The following RSRC1 variants were observed in gnomAD, a reference collection of about 807,000 sequenced individuals.
The protein encoded by RSRC1 is arginine and serine rich coiled-coil 1, also known as serine/Arginine-related protein 53.
A neutral mutation model predicts 49.1 loss-of-function variants in RSRC1; 39 were observed. The observed-to-expected ratio is 0.79, with a 90% CI of 0.61 to 1.04. The LOEUF (loss-of-function observed/expected upper bound fraction) is 1.04, where lower values mean the gene tolerates loss of function less well. Ranked by LOEUF, RSRC1 falls within the 50% of genes least tolerant of loss-of-function variation. The pLI, the probability that RSRC1 is intolerant of heterozygous loss-of-function variation, is 0.00. For missense variants in RSRC1, 388 were observed against 402.4 expected (o/e 0.96, Z 0.31); for synonymous variants, 143 against 130.8 (o/e 1.09, Z -0.63).
rs529894654 is a variant in RSRC1 at position 158,342,159 on chromosome 3, C to G, written c.532-12698C>G. On this transcript the variant is annotated intron_variant, in intron 5 of 9. Transcript: ENST00000611884. Reference sequence around the variant, plus strand: ...TGGACTGTGGACTTTTGGGTTAATGCTGAAACGAGTTAAGCCTTTGGGGTA... The same window carrying G: ...TGGACTGTGGACTTTTGGGTTAATGGTGAAACGAGTTAAGCCTTTGGGGTA... 9.5e-4 allele frequency among the ~76,000 whole-genome samples: 145 copies of G among 152,216 alleles called. 1 individual carries two copies. The highest frequency in any genetic ancestry group is 6.8e-3 in the Middle Eastern group (2 of 294).
intron 3 of RSRC1, among the ~76,000 whole-genome samples, chr3:158,199,806 A>G (rs967339589): frequency 6.6e-6 from 1 of 152,064 alleles, no homozygotes; most frequent in Non-Finnish European, 1.5e-5. Flanking sequence ...TGGTTTCCAT[A>G]TATCTGGAGG....
intron 3 of RSRC1, among the ~76,000 whole-genome samples, chr3:158,127,669 G>C (rs1385863500): frequency 6.7e-6 from 1 of 150,168 alleles, no homozygotes; most frequent in Non-Finnish European, 1.5e-5. Flanking sequence ...GTAATTTACA[G>C]ATCTCAGTTT....
chr3:158,388,290 A>G (rs1443598223), intron 6 of RSRC1, among the ~76,000 whole-genome samples: 4 of 152,022 alleles, frequency 2.6e-5, no homozygotes, highest in Non-Finnish European at 4.4e-5. Flanking sequence ...TTATTTTTAA[A>G]TAACTTTTTA....
At chr3:158,296,429 T>TTGTG (rs147168544) in intron 4 of RSRC1, among the ~76,000 whole-genome samples, 143 of 148,948 alleles carry the variant, frequency 9.6e-4, no homozygotes, top group Non-Finnish European at 1.6e-3. Context: ...TAATTTTATT[T>TTGTG]TGTGTGTGTG....
chr3:158,537,617 T>C (rs1712787475), intron 8 of RSRC1, among the ~76,000 whole-genome samples: 1 of 151,662 alleles, frequency 6.6e-6, no homozygotes, highest in East Asian at 1.9e-4. Flanking sequence ...ATATCTTCAT[T>C]CTTTGCCCAG....
rs1560073742 is a variant in RSRC1 at position 158,518,136 on chromosome 3, A to ATG, written c.653-18955_653-18954insGT. ...TGTGTGTGTGTGTGTGTATATATAT[A>ATG]TATATATATATATTTTTTTTTTTTT... On this transcript the variant is annotated intron_variant, in intron 7 of 9. Coordinates refer to ENST00000611884, the MANE Select transcript of RSRC1 (RefSeq NM_001271838.2). Among the ~76,000 whole-genome samples the ATG allele has an allele frequency of 2.3e-4, 20 of 85,348 alleles. 1 individual carries two copies. Among genetic ancestry groups the ATG allele is most frequent in the African/African-American group, 1.2e-3 (18 of 14,714 alleles). The allele number at this position is 85,348 out of a possible 152,430, so 56.0% of individuals were successfully genotyped here.
chr3:158,197,522 T>A (rs905359685), intron 3 of RSRC1, among the ~76,000 whole-genome samples: 1 of 152,184 alleles, frequency 6.6e-6, no homozygotes, highest in Non-Finnish European at 1.5e-5. Flanking sequence ...CTGATGTTAG[T>A]TATTTCTTGC....
At chr3:158,350,660 T>C (rs1730823457) in intron 5 of RSRC1, among the ~76,000 whole-genome samples, 1 of 152,250 alleles carries the variant, frequency 6.6e-6, no homozygotes, top group African/African-American at 2.4e-5. Flanking sequence ...ATTAAGTTTC[T>C]ATCATATAAA....
chr3:158,297,317 G>T (rs1727287576), intron 4 of RSRC1, among the ~76,000 whole-genome samples: 1 of 151,960 alleles, frequency 6.6e-6, no homozygotes, highest in Non-Finnish European at 1.5e-5. Context: ...ATGTTTGCTA[G>T]ATGTACAGAT....
intron 5 of RSRC1, among the ~76,000 whole-genome samples, chr3:158,331,536 G>A (rs1729545451): frequency 6.6e-6 from 1 of 151,800 alleles, no homozygotes. Flanking sequence ...AATCTGTTGG[G>A]TTTTTTTCTT....
In RSRC1 at chr3:158,376,451, C is replaced by T. The variant is rs1248431812; in HGVS notation, c.583+21543C>T. Among the ~76,000 whole-genome samples the T allele has an allele frequency of 2.6e-5, 4 of 151,920 alleles. 1 individual carries two copies. Among genetic ancestry groups the T allele is most frequent in the African/African-American group, 9.7e-5 (4 of 41,340 alleles). On this transcript the variant is annotated intron_variant, in intron 6 of 9. Transcript: ENST00000611884. ...TGCTGGGATTACAGGTGTGAGCTAC[C>T]ATGCCCAGCCCCTGTGTAGTTCTTT...
At chr3:158,145,106 C>A (rs1272983260) in intron 3 of RSRC1, among the ~76,000 whole-genome samples, 1 of 152,120 alleles carries the variant, frequency 6.6e-6, no homozygotes, top group Non-Finnish European at 1.5e-5. Flanking sequence ...ATGGTAGTTT[C>A]TTTTGCTGTG....
At chr3:158,344,825 A>G (rs1293607324) in intron 5 of RSRC1, among the ~76,000 whole-genome samples, 1 of 152,212 alleles carries the variant, frequency 6.6e-6, no homozygotes, top group Non-Finnish European at 1.5e-5. Context: ...GGAGGGGAGA[A>G]ATGAAAGGAG....
chr3:158,373,179 A>G (rs895703804), intron 6 of RSRC1, among the ~76,000 whole-genome samples: 2 of 151,848 alleles, frequency 1.3e-5, no homozygotes, highest in African/African-American at 2.4e-5. Flanking sequence ...ATGATGTCAT[A>G]TGCAAATAGA....
chr3:158,116,732 A>G lies in RSRC1; in HGVS notation c.-2-5371A>G, dbSNP rs1386628088. On this transcript the variant is annotated intron_variant, in intron 1 of 9. Coordinates refer to ENST00000611884, the MANE Select transcript of RSRC1 (RefSeq NM_001271838.2). ...CAGTGAATATAGTTTTGACTTCTTG[A>G]GTCCCCTGAAAAGTGTTGTAGAGAT... 4.4e-5 allele frequency among the ~76,000 whole-genome samples: 3 copies of G among 68,606 alleles called. No individual in the cohort carries two copies. In the East Asian group the frequency reaches 1.9e-3, roughly 43 times the overall value. 45.0% of individuals were successfully genotyped at this position (68,606 alleles called of 152,430 possible).
At chr3:158,118,458 T>TGCGC (rs879879544) in intron 1 of RSRC1, among the ~76,000 whole-genome samples, 11 of 119,840 alleles carry the variant, frequency 9.2e-5, no homozygotes, top group Admixed American at 3.2e-4. Flanking sequence ...TGTGTGTGTG[T>TGCGC]GTGTGCGCGT....
chr3:158,511,003 A>T (rs1740137090), intron 7 of RSRC1, among the ~76,000 whole-genome samples: 1 of 152,144 alleles, frequency 6.6e-6, no homozygotes, highest in African/African-American at 2.4e-5. Context: ...GAGTATTTTT[A>T]TCCTAGAGCA....
chr3:158,471,495 G>C (rs1321080810), intron 7 of RSRC1, among the ~76,000 whole-genome samples: 1 of 152,150 alleles, frequency 6.6e-6, no homozygotes, highest in Non-Finnish European at 1.5e-5. Flanking sequence ...GGAGAGATCA[G>C]GGTAATGGGA....
At chr3:158,225,039 A>G (rs946820814) in intron 4 of RSRC1, among the ~76,000 whole-genome samples, 2 of 151,902 alleles carry the variant, frequency 1.3e-5, no homozygotes, top group Non-Finnish European at 2.9e-5. Flanking sequence ...GATAATTTTC[A>G]TCTTCCTTTT....
Sources: gnomAD v4.1 joint callset for allele counts (sites outside exome capture counted in the v4.1 genomes callset) on GRCh38, gnomAD v4.1.1 for gene constraint, MANE v1.5 for transcripts, NCBI Gene and HGNC (gene_info 2026-07-23, HGNC 2026-07-21) for gene names.